Variants in ENTHD1 observed in about 807,000 individuals in gnomAD.
ENTHD1 encodes the protein ENTH domain containing 1.
Under a neutral mutation model 39.1 loss-of-function variants are expected in ENTHD1, and 23 were observed. The observed-to-expected ratio is 0.59, with a 90% confidence interval of 0.42 to 0.83. The LOEUF (loss-of-function observed/expected upper bound fraction) is 0.83, where lower values mean the gene tolerates loss of function less well. Among genes scored for constraint, ENTHD1 ranks in the 40% least tolerant of loss-of-function variants. The pLI is 0.00. For synonymous variants in ENTHD1, 230 were observed against 258.2 expected, an observed-to-expected ratio of 0.89 and a Z score of 1.05; for missense variants, 624 against 705.4, an observed-to-expected ratio of 0.88 and a Z score of 1.31.
chr22:39,829,735 G>C (rs1308631895), intron 4 of ENTHD1, among the ~76,000 whole-genome samples: 1 of 151,688 alleles, frequency 6.6e-6, no homozygotes, highest in East Asian at 1.9e-4. Flanking sequence ...AGGCTGAAGT[G>C]AGCCGAGATC....
intron 5 of ENTHD1, among the ~76,000 whole-genome samples, chr22:39,784,582 A>ACACACACACT (rs1491396024): frequency 2.8e-5 from 4 of 144,916 alleles, no homozygotes; most frequent in African/African-American, 1.0e-4. Flanking sequence ...ACACACACAC[A>ACACACACACT]CTAGAATATT....
intron 5 of ENTHD1, among the ~76,000 whole-genome samples, chr22:39,808,301 C>G (rs2065659875): frequency 6.6e-6 from 1 of 152,150 alleles, no homozygotes; most frequent in Non-Finnish European, 1.5e-5. Flanking sequence ...TGTCCTCTCC[C>G]TATCCTGATA....
intron 6 of ENTHD1, among the ~76,000 whole-genome samples, chr22:39,761,054 T>G (rs1365013201): frequency 6.6e-6 from 1 of 152,156 alleles, no homozygotes; most frequent in Admixed American, 6.5e-5. Flanking sequence ...TGCTCATCAT[T>G]TGTTTCTGTA....
intron 6 of ENTHD1, chr22:39,750,174 T>C (rs2065137560): frequency 4.8e-6 from 1 of 208,752 alleles, no homozygotes; most frequent in Admixed American, 4.3e-5. Context: ...TTTGGGAAAA[T>C]AAAGACTATG....
intron 1 of ENTHD1, 40 bp downstream of exon 1, chr22:39,893,655 G>C (rs764073310): frequency 1.3e-5 from 2 of 152,180 alleles, no homozygotes; most frequent in Non-Finnish European, 2.9e-5. Context: ...TTCCAGACCC[G>C]CCTTGAGCCC....
chr22:39,890,913 T>C (rs1216195383), intron 1 of ENTHD1, among the ~76,000 whole-genome samples: 2 of 152,242 alleles, frequency 1.3e-5, no homozygotes, highest in Non-Finnish European at 2.9e-5. Flanking sequence ...GCTCAATTAA[T>C]TGGTGTTAGT....
At chr22:39,775,216 A>T (rs998357877) in intron 5 of ENTHD1, among the ~76,000 whole-genome samples, 1 of 152,200 alleles carries the variant, frequency 6.6e-6, no homozygotes, top group African/African-American at 2.4e-5. Context: ...CAAATTTATT[A>T]TTTATAACTT....
At chr22:39,806,587 C>T (rs557550241) in intron 5 of ENTHD1, among the ~76,000 whole-genome samples, 1 of 152,186 alleles carries the variant, frequency 6.6e-6, no homozygotes, top group African/African-American at 2.4e-5. Flanking sequence ...TTACTATGTA[C>T]TAAGCTCTGG....
intron 5 of ENTHD1, among the ~76,000 whole-genome samples, chr22:39,780,828 C>T (rs1325092914): frequency 1.3e-5 from 2 of 152,046 alleles, no homozygotes; most frequent in East Asian, 3.9e-4. Context: ...GAAACCCCGT[C>T]TCTACTAAAA....
chr22:39,761,644 C>T (rs755632575), intron 6 of ENTHD1, among the ~76,000 whole-genome samples: 1 of 151,994 alleles, frequency 6.6e-6, no homozygotes, highest in Admixed American at 6.6e-5. Context: ...TTCCATTTTT[C>T]AGATTAGATG....
At chr22:39,786,046 T>C (rs918423719) in intron 5 of ENTHD1, among the ~76,000 whole-genome samples, 1 of 152,170 alleles carries the variant, frequency 6.6e-6, no homozygotes, top group Non-Finnish European at 1.5e-5. Context: ...CTACTGCTTA[T>C]AAAATGAACC....
intron 3 of ENTHD1, among the ~76,000 whole-genome samples, chr22:39,855,759 GCAATGAGACT>G (rs1243593474): frequency 6.6e-6 from 1 of 152,142 alleles, no homozygotes; most frequent in Non-Finnish European, 1.5e-5. Context: ...GTTTGGTGGA[GCAATGAGACT>G]CAAAAATAGC....
chr22:39,877,467 ACACT>A (rs2066301019), intron 2 of ENTHD1, among the ~76,000 whole-genome samples: 1 of 152,228 alleles, frequency 6.6e-6, no homozygotes, highest in Non-Finnish European at 1.5e-5. Context: ...ACTTAGCCCC[ACACT>A]GAGACTGACA....
At chr22:39,823,292 T>G (rs998750833) in intron 4 of ENTHD1, among the ~76,000 whole-genome samples, 1 of 152,214 alleles carries the variant, frequency 6.6e-6, no homozygotes, top group East Asian at 1.9e-4. Context: ...AGATTTTGGC[T>G]ATTACAAATA....
At chr22:39,824,201 CTTTTTT>C (rs71197195) in intron 4 of ENTHD1, among the ~76,000 whole-genome samples, 4 of 71,442 alleles carry the variant, frequency 5.6e-5, no homozygotes, top group East Asian at 4.7e-4. Flanking sequence ...TTGTCCAGTT[CTTTTTT>C]TTTTTTTTTT....
Position 39,743,814 on chromosome 22 carries a change from A to ACAG in ENTHD1, c.1688_1689insCTG (p.His563_Glu564insCys). ...CTTGGATCACTGTGCTCAGATCTTC[A>ACAG]TGTAATCTAGCGATCGCACGTTTTA... is the stretch of plus-strand genomic sequence containing the variant. On this transcript the variant is annotated inframe_insertion, in exon 7 of 7. Transcript: ENST00000325157. 1 of 1,614,160 alleles carries ACAG rather than the reference A, an allele frequency of 6.2e-7. No individual in the cohort carries two copies.
intron 3 of ENTHD1, among the ~76,000 whole-genome samples, chr22:39,847,638 C>T (rs1183670085): frequency 1.3e-5 from 2 of 151,884 alleles, no homozygotes; most frequent in Non-Finnish European, 2.9e-5. Flanking sequence ...GAAATCCTTC[C>T]GCCTTGATCT....
At chr22:39,803,084 GCTT>G (rs765624811) in intron 5 of ENTHD1, among the ~76,000 whole-genome samples, 7 of 151,942 alleles carry the variant, frequency 4.6e-5, no homozygotes, top group Non-Finnish European at 8.8e-5. Flanking sequence ...TCCCTCCTCT[GCTT>G]CTTATGTTCC....
intron 3 of ENTHD1, among the ~76,000 whole-genome samples, chr22:39,856,945 A>G (rs1056319058): frequency 2.0e-5 from 3 of 152,128 alleles, no homozygotes; most frequent in Non-Finnish European, 1.5e-5. Flanking sequence ...AATACAGTCA[A>G]TTTACTTAAC....
Sources: gnomAD v4.1 joint callset for allele counts (sites outside exome capture counted in the v4.1 genomes callset) on GRCh38, gnomAD v4.1.1 for gene constraint, MANE v1.5 for transcripts, NCBI Gene and HGNC (gene_info 2026-07-23, HGNC 2026-07-21) for gene names.